Variants in CNTNAP2 observed in about 807,000 individuals in gnomAD.
CNTNAP2 encodes the protein contactin associated protein 2, also known as contactin-associated protein-like 2.
CNTNAP2 carries 98 observed loss-of-function variants against 155.2 expected under a neutral mutation model. The ratio of observed to expected loss-of-function variants is 0.63; its 90% CI spans 0.54 to 0.75. CNTNAP2 has a LOEUF of 0.75. CNTNAP2 is among the 30% of genes least tolerant of loss of function. CNTNAP2 has a pLI of 0.00. For synonymous variants in CNTNAP2, 651 were observed against 631.2 expected (o/e 1.03, Z -0.47); for missense variants, 1,727 against 1,688.1 (o/e 1.02, Z -0.40).
chr7:146,450,641 A>G (rs182248703), intron 1 of CNTNAP2, among the ~76,000 whole-genome samples: 26 of 152,316 alleles, frequency 1.7e-4, no homozygotes, highest in Non-Finnish European at 3.5e-4. Context: ...GTGAAAACAA[A>G]TCACCAAGCC....
intron 3 of CNTNAP2, among the ~76,000 whole-genome samples, chr7:146,949,425 T>C (rs1797262133): frequency 6.6e-6 from 1 of 152,184 alleles, no homozygotes; most frequent in Non-Finnish European, 1.5e-5. Context: ...CTCGTCTGAT[T>C]TCTCCACGTT....
intron 8 of CNTNAP2, among the ~76,000 whole-genome samples, chr7:147,200,734 C>G (rs535961787): frequency 3.7e-4 from 57 of 152,314 alleles, no homozygotes; most frequent in African/African-American, 1.3e-3. Context: ...TCCCAACATG[C>G]ATATGTTCTG....
intron 21 of CNTNAP2, among the ~76,000 whole-genome samples, chr7:148,267,658 A>AG (rs1277132263): frequency 6.6e-6 from 1 of 151,022 alleles, no homozygotes; most frequent in Non-Finnish European, 1.5e-5. Flanking sequence ...CTGTCTCAAA[A>AG]AAAAAAAAAA....
intron 13 of CNTNAP2, among the ~76,000 whole-genome samples, chr7:147,816,843 C>T (rs1324673416): frequency 2.7e-5 from 4 of 149,728 alleles, no homozygotes; most frequent in Admixed American, 1.4e-4. Context: ...TGATTAAATC[C>T]TTTGGATAAA....
At chr7:147,602,903 G>C (rs1217317347) in intron 12 of CNTNAP2, among the ~76,000 whole-genome samples, 1 of 151,954 alleles carries the variant, frequency 6.6e-6, no homozygotes, top group Non-Finnish European at 1.5e-5. Flanking sequence ...TGGACATTTG[G>C]GTTGGTTCCA....
intron 1 of CNTNAP2, among the ~76,000 whole-genome samples, chr7:146,550,956 A>G (rs1183492662): frequency 6.6e-6 from 1 of 152,062 alleles, no homozygotes; most frequent in East Asian, 1.9e-4. Context: ...AGGAGGGAAA[A>G]AATAAGAATA....
chr7:147,287,129 C>T (rs1805197736), intron 8 of CNTNAP2, among the ~76,000 whole-genome samples: 2 of 152,002 alleles, frequency 1.3e-5, no homozygotes, highest in South Asian at 2.1e-4. Flanking sequence ...AAATATAGCA[C>T]GGGCAAGTGG....
chr7:147,612,838 T>A (rs1801213105), intron 12 of CNTNAP2, among the ~76,000 whole-genome samples: 1 of 152,258 alleles, frequency 6.6e-6, no homozygotes, highest in Non-Finnish European at 1.5e-5. Flanking sequence ...CTCAATGTTC[T>A]GATTTTGAAA....
chr7:146,542,305 C>T (rs919536795), intron 1 of CNTNAP2, among the ~76,000 whole-genome samples: 6 of 151,852 alleles, frequency 4.0e-5, no homozygotes, highest in South Asian at 2.1e-4. Flanking sequence ...ATTTATAAAA[C>T]GACTGCAATA....
chr7:146,561,550 T>C (rs1798279858), intron 1 of CNTNAP2, among the ~76,000 whole-genome samples: 1 of 152,086 alleles, frequency 6.6e-6, no homozygotes, highest in African/African-American at 2.4e-5. Context: ...TCCTACCTAC[T>C]TGGGAGGCTG....
chr7:146,202,086 G>A (rs1408336228), intron 1 of CNTNAP2, among the ~76,000 whole-genome samples: 2 of 152,064 alleles, frequency 1.3e-5, no homozygotes. Flanking sequence ...CATTTATACT[G>A]CATCCTTATC....
chr7:147,564,770 C>A (rs10250939), intron 12 of CNTNAP2, among the ~76,000 whole-genome samples: 67,943 of 151,910 alleles, frequency 0.45, 15,399 homozygotes, highest in East Asian at 0.61. Context: ...AACAGCATGG[C>A]TGCAATTTAA....
At chr7:147,501,331 G>T (rs1235409423) in intron 11 of CNTNAP2, among the ~76,000 whole-genome samples, 1 of 151,912 alleles carries the variant, frequency 6.6e-6, no homozygotes, top group Non-Finnish European at 1.5e-5. Flanking sequence ...AAAAGACAAG[G>T]ATCCCCACTC....
intron 1 of CNTNAP2, among the ~76,000 whole-genome samples, chr7:146,406,807 C>T (rs1283632963): frequency 6.6e-6 from 1 of 152,164 alleles, no homozygotes; most frequent in African/African-American, 2.4e-5. Context: ...GGGCTATCAT[C>T]CTTAGATCTG....
At chr7:147,853,184 A>G (rs1307223689) in intron 13 of CNTNAP2, among the ~76,000 whole-genome samples, 1 of 152,214 alleles carries the variant, frequency 6.6e-6, no homozygotes, top group Non-Finnish European at 1.5e-5. Flanking sequence ...GACAGTCTCC[A>G]TTTATATTCA....
chr7:146,999,103 ATGAAAAT>A (rs1458615619), intron 3 of CNTNAP2, among the ~76,000 whole-genome samples: 24 of 151,602 alleles, frequency 1.6e-4, no homozygotes, highest in African/African-American at 5.8e-4. Context: ...AGTAATTTTC[ATGAAAAT>A]TGTTTTATTC....
At chr7:148,336,136 G>A (rs4283957) in intron 21 of CNTNAP2, among the ~76,000 whole-genome samples, 77,410 of 151,976 alleles carry the variant, frequency 0.51, 19,932 homozygotes, top group East Asian at 0.66. Flanking sequence ...GAACATTTAT[G>A]CTGGATTTGA....
chr7:147,050,721 G>T (rs1799457191), intron 4 of CNTNAP2, among the ~76,000 whole-genome samples: 1 of 152,076 alleles, frequency 6.6e-6, no homozygotes. Flanking sequence ...GTTTCCTGGG[G>T]TCTCTGTAAA....
intron 11 of CNTNAP2, among the ~76,000 whole-genome samples, chr7:147,546,091 A>G (rs1393236801): frequency 6.6e-6 from 1 of 152,192 alleles, no homozygotes. Context: ...TCTCAGGTAT[A>G]TCTTTATTAA....
Sources: gnomAD v4.1 joint callset for allele counts (sites outside exome capture counted in the v4.1 genomes callset) on GRCh38, gnomAD v4.1.1 for gene constraint, MANE v1.5 for transcripts, NCBI Gene and HGNC (gene_info 2026-07-23, HGNC 2026-07-21) for gene names.